The following TOLLIP variants were observed in gnomAD, a reference collection of about 807,000 sequenced individuals.
TOLLIP encodes the protein toll-interacting protein.
TOLLIP carries 16 observed loss-of-function variants against 33.5 expected under a neutral mutation model. That is an observed-to-expected ratio of 0.48 (90% confidence interval 0.32 to 0.72). The LOEUF (loss-of-function observed/expected upper bound fraction) is 0.72. Among genes scored for constraint, TOLLIP ranks in the 30% least tolerant of loss-of-function variants. The pLI is 0.03. For missense variants in TOLLIP, 325 were observed against 396.6 expected (o/e 0.82, Z 1.53); for synonymous variants, 176 against 163.7 (o/e 1.07, Z -0.57).
rs1200876397 is a variant in TOLLIP, at chr11:1,277,786, G to A, written c.611-533C>T. Among the ~76,000 whole-genome samples the A allele has an allele frequency of 3.3e-5, 5 of 152,144 alleles. No homozygotes were observed. The highest frequency in any genetic ancestry group is 3.9e-4 in the East Asian group (2 of 5,188). On this transcript the variant is annotated intron_variant, in intron 5 of 5. Coordinates refer to ENST00000317204, the MANE Select transcript of TOLLIP (RefSeq NM_019009.4). This position sits in a 1 kb window ranked among gnomAD's most constrained non-coding sequence, Gnocchi z 4.2. ...CAAGTGTGTCACTAAACTGTGTGCCGGTGGGGAACAATCACCACAGGCACT... is the reference window on the plus strand; with the variant it reads ...CAAGTGTGTCACTAAACTGTGTGCCAGTGGGGAACAATCACCACAGGCACT...
At chr11:1,304,058 CCTCAAGTGAACTGGGAG>C (rs1590230987) in intron 1 of TOLLIP, among the ~76,000 whole-genome samples, 1 of 148,390 alleles carries the variant, frequency 6.7e-6, no homozygotes. Context: ...AAAAAAAAGA[CCTCAAGTGAACTGGGAG>C]GCAGGCCAGA....
Position 1,288,630 on chromosome 11 carries a change from G to C in TOLLIP, c.513C>G (p.Ser171=), listed in dbSNP as rs1863827526. ...DKEGMINLVM[S]YALLPAAMVM... is the part of the protein sequence containing the mutation. Reference sequence around the variant, plus strand: ...GCCCAGGCGTGCAGCTCACCGCGTAGGACATGACGAGGTTGATCATGCCCT... The same window carrying C: ...GCCCAGGCGTGCAGCTCACCGCGTACGACATGACGAGGTTGATCATGCCCT... Residue 171 remains serine, a synonymous_variant, in exon 4 of 6, where the codon TCC becomes TCG. Coordinates refer to ENST00000317204, the MANE Select transcript of TOLLIP (RefSeq NM_019009.4). The C allele has an allele frequency of 1.2e-6, 2 of 1,612,070 alleles. No homozygotes were observed. Among genetic ancestry groups the C allele is most frequent in the African/African-American group, 2.7e-5 (2 of 75,062 alleles).
At chr11:1,294,998 G>A (rs1344666225) in intron 2 of TOLLIP, among the ~76,000 whole-genome samples, 3 of 125,736 alleles carry the variant, frequency 2.4e-5, no homozygotes, top group Non-Finnish European at 5.1e-5. Flanking sequence ...GAAAGCCCGC[G>A]TGGCTCACGG....
chr11:1,290,217 TC>T lies in TOLLIP; in HGVS notation c.366+9del, dbSNP rs1325100903. On this transcript the variant is annotated intron_variant, in intron 3 of 5. Transcript: ENST00000317204. The surrounding 1 kb of genome is among the most constrained non-coding windows in gnomAD (Gnocchi z 4.9). ...TGCAGCCTCCATAATAGCTGGCACG[TC>T]CCTCTCACCTCATCGAAGATCTCGA... 6.2e-7 allele frequency: 1 copy of T among 1,610,506 alleles called. No homozygotes were observed. Among genetic ancestry groups the T allele is most frequent in the Non-Finnish European group, 8.5e-7 (1 of 1,177,876 alleles).
chr11:1,284,939 C>T (rs2133890426), intron 5 of TOLLIP, among the ~76,000 whole-genome samples: 1 of 152,242 alleles, frequency 6.6e-6, no homozygotes, highest in Non-Finnish European at 1.5e-5. Flanking sequence ...GGGCGAGGTC[C>T]CGACTCCCAA....
chr11:1,278,061 C>A lies in TOLLIP; in HGVS notation c.611-808G>T, dbSNP rs1018567464. ...TGCAATCTATCGAGCAGGAGACGCA[C>A]GGCGGTTCAGCCACTGCAGCACACA... On this transcript the variant is annotated intron_variant, in intron 5 of 5. Transcript: ENST00000317204. This position sits in a 1 kb window ranked among gnomAD's most constrained non-coding sequence, Gnocchi z 4.7. Among the ~76,000 whole-genome samples, 1 of 152,178 alleles carries A rather than the reference C, an allele frequency of 6.6e-6. No homozygotes were observed. The highest frequency in any genetic ancestry group is 6.5e-5 in the Admixed American group (1 of 15,274).
In TOLLIP at chr11:1,276,266, C is replaced by A; in HGVS notation, c.*773G>T. ...GAAGAGAAGCTCCCTGGGAGGACACCCACGGAGCTGGCACGAGCGCAGCAG... is the reference window on the plus strand; with the variant it reads ...GAAGAGAAGCTCCCTGGGAGGACACACACGGAGCTGGCACGAGCGCAGCAG... On this transcript the variant is annotated 3_prime_UTR_variant, in exon 6 of 6. Transcript: ENST00000317204. 1 of 193,224 alleles carries A rather than the reference C, an allele frequency of 5.2e-6. No homozygotes were observed. The highest frequency in any genetic ancestry group is 2.3e-3 in the Middle Eastern group (1 of 434). The allele number at this position is 193,224 out of a possible 1,614,324, so 12.0% of individuals were successfully genotyped here.
intron 1 of TOLLIP, chr11:1,298,146 C>A (rs1266835847): frequency 6.6e-6 from 1 of 152,348 alleles, no homozygotes; most frequent in African/African-American, 2.4e-5. Flanking sequence ...GACTAACATA[C>A]ACAGGCCAAA....
rs1438922528 is a variant in TOLLIP at position 1,309,533 on chromosome 11, A to C, written c.-35T>G. Reference sequence around the variant, plus strand: ...GCGGCCCCCGTGGCTCGCCGACCCGACAGTGACGCGCCGGGCGACCTCCTG... The same window carrying C: ...GCGGCCCCCGTGGCTCGCCGACCCGCCAGTGACGCGCCGGGCGACCTCCTG... On this transcript the variant is annotated 5_prime_UTR_variant, in exon 1 of 6. Transcript: ENST00000317204. 2 of 1,275,990 alleles carry C rather than the reference A, an allele frequency of 1.6e-6. No individual in the cohort carries two copies. Among genetic ancestry groups the C allele is most frequent in the South Asian group, 4.2e-5 (2 of 47,292 alleles). The allele number at this position is 1,275,990 out of a possible 1,614,324, so 79.0% of individuals were successfully genotyped here. A position where few individuals can be genotyped will look rare whatever the true frequency, so the allele number is the denominator to read the frequency against.
intron 1 of TOLLIP, chr11:1,302,844 C>T: frequency 2.1e-6 from 2 of 966,480 alleles, no homozygotes; most frequent in Non-Finnish European, 2.5e-6. Context: ...CCCACGGCCG[C>T]TCAGCAGCCC....
chr11:1,279,039 G>A (rs998799606), intron 5 of TOLLIP, among the ~76,000 whole-genome samples: 37 of 152,210 alleles, frequency 2.4e-4, no homozygotes, highest in African/African-American at 6.8e-4. Flanking sequence ...CGGAGGCACC[G>A]TGCTCCCACT....
At position 1,277,383 on chromosome 11, in the gene TOLLIP, A is replaced by C. The variant is rs1204534422; in HGVS notation, c.611-130T>G. ...GGAAGGGGCCACCTCGGGTCTCAGC[A>C]AACACCAGTCCCGCAAGACACCCTG... On this transcript the variant is annotated intron_variant, in intron 5 of 5. Transcript: ENST00000317204. This position sits in a 1 kb window ranked among gnomAD's most constrained non-coding sequence, Gnocchi z 4.2. The C allele has an allele frequency of 7.1e-6, 5 of 704,584 alleles. No individual in the cohort carries two copies. The highest frequency in any genetic ancestry group is 5.4e-5 in the African/African-American group (3 of 55,316). 43.6% of individuals were successfully genotyped at this position (704,584 alleles called of 1,614,324 possible).
Position 1,278,718 on chromosome 11 carries a change from T to G in TOLLIP, c.611-1465A>C, listed in dbSNP as rs1246297680. On this transcript the variant is annotated intron_variant, in intron 5 of 5. Coordinates refer to ENST00000317204, the MANE Select transcript of TOLLIP (RefSeq NM_019009.4). The surrounding 1 kb of genome is among the most constrained non-coding windows in gnomAD (Gnocchi z 4.7). Reference sequence around the variant, plus strand: ...GACACCTCACCTCACTGGGGAAGCATCATCCCCATGCTCATCAGCCTTTCG... The same window carrying G: ...GACACCTCACCTCACTGGGGAAGCAGCATCCCCATGCTCATCAGCCTTTCG... Among the ~76,000 whole-genome samples, 1 of 152,194 alleles carries G rather than the reference T, an allele frequency of 6.6e-6. No homozygotes were observed. Among genetic ancestry groups the G allele is most frequent in the Non-Finnish European group, 1.5e-5 (1 of 68,028 alleles).
intron 1 of TOLLIP, among the ~76,000 whole-genome samples, chr11:1,299,470 C>A (rs1324191491): frequency 6.6e-6 from 1 of 152,156 alleles, no homozygotes; most frequent in Non-Finnish European, 1.5e-5. Flanking sequence ...ACACTCGGTC[C>A]TTCAGTAAAT....
At chr11:1,283,155 G>A (rs1863560423) in intron 5 of TOLLIP, 1 of 199,822 alleles carries the variant, frequency 5.0e-6, no homozygotes, top group African/African-American at 2.3e-5. Flanking sequence ...ACCTGCGCTG[G>A]GTGGAATCTG....
chr11:1,295,058 T>C (rs949328863), intron 2 of TOLLIP, among the ~76,000 whole-genome samples: 4 of 152,010 alleles, frequency 2.6e-5, no homozygotes, highest in Non-Finnish European at 5.9e-5. Flanking sequence ...GCTCACAGTG[T>C]GTCTCCTTTC....
chr11:1,280,840 G>C (rs1468236795), intron 5 of TOLLIP, among the ~76,000 whole-genome samples: 1 of 152,200 alleles, frequency 6.6e-6, no homozygotes, highest in East Asian at 1.9e-4. Context: ...GCAGACCCCT[G>C]GCAGTGGCTG....
At chr11:1,289,546 G>C (rs1033811760) in intron 3 of TOLLIP, among the ~76,000 whole-genome samples, 2 of 152,244 alleles carry the variant, frequency 1.3e-5, no homozygotes, top group Admixed American at 6.5e-5. Flanking sequence ...TTCCCACCCA[G>C]TAGGCAGCCG....
chr11:1,305,207 C>A (rs1171543462), intron 1 of TOLLIP, among the ~76,000 whole-genome samples: 1 of 152,202 alleles, frequency 6.6e-6, no homozygotes, highest in Admixed American at 6.5e-5. Context: ...ACTCACAACC[C>A]GGCCTAAAAA....
Sources: allele counts gnomAD v4.1 joint callset (sites outside exome capture counted in the v4.1 genomes callset), GRCh38; gene constraint gnomAD v4.1.1; non-coding constraint Gnocchi (gnomAD v3.1); transcripts MANE v1.5; gene names NCBI Gene and HGNC (gene_info 2026-07-23, HGNC 2026-07-21).